The following DOCK11 variants were observed in gnomAD, a reference collection of about 807,000 sequenced individuals.
DOCK11 encodes dedicator of cytokinesis 11.
Under a neutral mutation model 169.1 loss-of-function variants are expected in DOCK11, and 70 were observed. That is an observed-to-expected ratio of 0.41 (90% confidence interval 0.34 to 0.51). The LOEUF (loss-of-function observed/expected upper bound fraction) is 0.51, where lower values mean the gene tolerates loss of function less well. DOCK11 is among the 20% of genes least tolerant of loss of function. The pLI, the probability that DOCK11 is intolerant of heterozygous loss-of-function variation, is 0.10. For synonymous variants in DOCK11, 529 were observed against 541.3 expected (o/e 0.98, Z 0.32); for missense variants, 1,166 against 1,538.8 (o/e 0.76, Z 4.05).
At chrX:118,543,081 G>A (rs1603046719) in intron 3 of DOCK11, 66 bp downstream of exon 3, 1 of 837,222 alleles carries the variant, frequency 1.2e-6, no homozygotes, top group Non-Finnish European at 1.7e-6. Flanking sequence ...GTATTTATAT[G>A]TCTTTATGTA....
At chrX:118,515,319 C>T (rs891626035) in intron 1 of DOCK11, among the ~76,000 whole-genome samples, 10 of 112,038 alleles carry the variant, frequency 8.9e-5, no homozygotes, top group African/African-American at 2.6e-4. Context: ...CCGCAACCTC[C>T]GCCTCTCGAG....
Position 118,685,713 on chromosome X carries a change from C to T in DOCK11, c.6128C>T (p.Ser2043Phe), listed in dbSNP as rs1207515602. Residue 2043 changes from serine (S) to phenylalanine (F), a missense_variant, in exon 53 of 53, where the codon TCT becomes TTT. Ser to Phe is a radical substitution (Grantham distance 155, BLOSUM62 -2). Coordinates refer to ENST00000276202, the MANE Select transcript of DOCK11 (RefSeq NM_144658.4). ...ATATTACAAGAAGACACAATGCATT[C>T]TCCCTGGATGAGCAACACATTACAT... ...EQILQEDTMH[S>F]PWMSNTLHVF... The T allele has an allele frequency of 2.5e-6, 3 of 1,210,345 alleles. No individual in the cohort carries two copies. The highest frequency in any genetic ancestry group is 2.2e-6 in the Non-Finnish European group (2 of 894,597).
intron 1 of DOCK11, among the ~76,000 whole-genome samples, chrX:118,518,456 C>T (rs2057702938): frequency 8.9e-6 from 1 of 111,930 alleles, no homozygotes; most frequent in African/African-American, 3.2e-5. Context: ...CCTGTAGTCT[C>T]AGCTACTTTA....
intron 16 of DOCK11, 45 bp from the exon 17 acceptor site, chrX:118,588,092 A>AT (rs2013871617): frequency 2.0e-6 from 2 of 1,012,508 alleles, no homozygotes; most frequent in Admixed American, 3.4e-5. Context: ...TGTGTTAATG[A>AT]TTATTAAACT....
At chrX:118,634,679 G>A (rs1490824606) in intron 35 of DOCK11, among the ~76,000 whole-genome samples, 4 of 112,697 alleles carry the variant, frequency 3.5e-5, no homozygotes, top group Non-Finnish European at 3.8e-5. Flanking sequence ...TAGACACCCA[G>A]TGGCAGATAG....
Position 118,630,440 on chromosome X carries a change from T to C in DOCK11, c.3836T>C (p.Ile1279Thr). ...TATAACCGCCTGGATCAGTATGAAA[T>C]CAGAAGCCTCCTGATGTGCTACCTG... is the stretch of plus-strand genomic sequence containing the variant. ...SQYNRLDQYE[I>T]RSLLMCYLYI... Residue 1279 changes from isoleucine (I) to threonine (T), a missense_variant, in exon 35 of 53, where the codon ATC becomes ACC. Transcript: ENST00000276202. 2.5e-6 allele frequency: 3 copies of C among 1,209,120 alleles called. No homozygotes were observed. Among genetic ancestry groups the C allele is most frequent in the Non-Finnish European group, 3.4e-6 (3 of 893,734 alleles).
intron 1 of DOCK11, among the ~76,000 whole-genome samples, chrX:118,540,693 C>T (rs924630402): frequency 9.0e-5 from 10 of 111,140 alleles, no homozygotes; most frequent in South Asian, 3.8e-4. Context: ...GATGCCCTTC[C>T]GATATGGAAA....
intron 52 of DOCK11, among the ~76,000 whole-genome samples, chrX:118,683,981 T>C (rs1396113942): frequency 5.4e-5 from 6 of 112,100 alleles, no homozygotes; most frequent in African/African-American, 1.9e-4. Context: ...ATGAAACATA[T>C]TTGGGTGTGC....
At chrX:118,626,600 C>A (rs2015111729) in intron 32 of DOCK11, among the ~76,000 whole-genome samples, 1 of 111,482 alleles carries the variant, frequency 9.0e-6, no homozygotes, top group Non-Finnish European at 1.9e-5. Context: ...GCTTCCTCTG[C>A]AAATTCCCCC....
intron 32 of DOCK11, among the ~76,000 whole-genome samples, 158 bp from the exon 33 acceptor site, chrX:118,627,346 T>TA (rs1191124377): frequency 1.3e-4 from 14 of 110,762 alleles, no homozygotes; most frequent in East Asian, 2.8e-4. Flanking sequence ...TTTTTTTTTT[T>TA]AAAAAAGAGT....
intron 31 of DOCK11, among the ~76,000 whole-genome samples, chrX:118,620,880 A>T (rs2014954553): frequency 8.9e-6 from 1 of 112,664 alleles, no homozygotes. Flanking sequence ...CCCCTCTCTG[A>T]AGCAAAAAGT....
chrX:118,636,247 T>G (rs966126463), intron 35 of DOCK11, 99 bp from the exon 36 acceptor site: 2 of 404,936 alleles, frequency 4.9e-6, no homozygotes, highest in Admixed American at 5.0e-5. Context: ...AGATTCACCT[T>G]GAGTTGATAG....
At chrX:118,651,834 T>A in intron 41 of DOCK11, 130 bp from the exon 42 acceptor site, 1 of 404,559 alleles carries the variant, frequency 2.5e-6, no homozygotes, top group Non-Finnish European at 4.3e-6. Context: ...GAAGGGTACA[T>A]TATGATGGTA....
intron 1 of DOCK11, among the ~76,000 whole-genome samples, chrX:118,530,560 A>G (rs907335544): frequency 1.5e-4 from 17 of 112,246 alleles, no homozygotes; most frequent in African/African-American, 5.2e-4. Flanking sequence ...CCCAGAATCA[A>G]TGAACACATG....
chrX:118,678,608 G>A (rs1603190373), intron 48 of DOCK11, among the ~76,000 whole-genome samples: 1 of 109,960 alleles, frequency 9.1e-6, no homozygotes, highest in East Asian at 2.8e-4. Flanking sequence ...TAATAGCTGG[G>A]ATTACAGTCG....
At chrX:118,575,916 A>C (rs779149299) in intron 12 of DOCK11, among the ~76,000 whole-genome samples, 1 of 112,074 alleles carries the variant, frequency 8.9e-6, no homozygotes. Context: ...TTGGAACAGG[A>C]AGAAAATCAA....
intron 6 of DOCK11, among the ~76,000 whole-genome samples, chrX:118,547,766 A>G (rs2012339653): frequency 8.9e-6 from 1 of 112,792 alleles, no homozygotes; most frequent in South Asian, 3.6e-4. Context: ...GGGTTTATTA[A>G]CAATATATTT....
chrX:118,514,080 C>G (rs2057667326), intron 1 of DOCK11, among the ~76,000 whole-genome samples: 1 of 111,228 alleles, frequency 9.0e-6, no homozygotes, highest in African/African-American at 3.3e-5. Flanking sequence ...TTTCTGCATG[C>G]TGTTCTGGTG....
intron 1 of DOCK11, among the ~76,000 whole-genome samples, chrX:118,538,422 T>G (rs1358363674): frequency 1.8e-5 from 2 of 112,585 alleles, no homozygotes; most frequent in Middle Eastern, 4.2e-3. Flanking sequence ...TGAAATGAAT[T>G]AACAAAAAAT....
Sources: allele counts gnomAD v4.1 joint callset (sites outside exome capture counted in the v4.1 genomes callset), GRCh38; gene constraint gnomAD v4.1.1; transcripts MANE v1.5; gene names NCBI Gene and HGNC (gene_info 2026-07-23, HGNC 2026-07-21).